AFAP1L1: variants seen among roughly 807,000 people sequenced by gnomAD.
AFAP1L1 encodes the protein actin filament-associated protein 1-like 1.
Under a neutral mutation model 99.8 loss-of-function variants are expected in AFAP1L1, and 77 were observed. The ratio of observed to expected loss-of-function variants is 0.77; its 90% CI spans 0.64 to 0.93. The LOEUF (loss-of-function observed/expected upper bound fraction) is 0.93, where lower values mean the gene tolerates loss of function less well. Ranked by LOEUF, AFAP1L1 falls within the 40% of genes least tolerant of loss-of-function variation. The probability of loss-of-function intolerance (pLI) is 0.00; values close to 1 mark genes in which losing one functional copy is unlikely to be tolerated. For synonymous variants in AFAP1L1, 373 were observed against 395.3 expected (o/e 0.94, Z 0.67); for missense variants, 893 against 996.8 (o/e 0.90, Z 1.40).
intron 1 of AFAP1L1, among the ~76,000 whole-genome samples, chr5:149,296,149 C>T (rs1386977993): frequency 3.9e-5 from 6 of 152,102 alleles, no homozygotes; most frequent in African/African-American, 1.4e-4. Context: ...TCCTCCCACC[C>T]CAGTCTCCTG....
chr5:149,341,955 T>C lies in AFAP1L1; in HGVS notation c.*1925T>C, dbSNP rs148136766. Among the ~76,000 whole-genome samples, 227 of 152,256 alleles carry C rather than the reference T, an allele frequency of 1.5e-3. No homozygotes were observed. The highest frequency in any genetic ancestry group is 2.8e-3 in the Non-Finnish European group (189 of 68,030). ...TCTTTCTTATGCAGTTATTTTGGGG[T>C]TAAGTGTCTTTTCTCACCAACAGAT... On this transcript the variant is annotated 3_prime_UTR_variant, in exon 19 of 19. Coordinates refer to ENST00000296721, the MANE Select transcript of AFAP1L1 (RefSeq NM_152406.4).
At chr5:149,330,813 T>A (rs1449844055) in intron 16 of AFAP1L1, among the ~76,000 whole-genome samples, 7 of 152,194 alleles carry the variant, frequency 4.6e-5, no homozygotes, top group Admixed American at 4.6e-4. Context: ...ATTTATTGTT[T>A]GCCACAGACA....
chr5:149,299,394 C>G, intron 1 of AFAP1L1, 115 bp from the exon 2 acceptor site: 1 of 1,418,744 alleles, frequency 7.0e-7, no homozygotes, highest in Non-Finnish European at 9.4e-7. Flanking sequence ...CGCTTGCACA[C>G]CCGGACCTGC....
intron 7 of AFAP1L1, among the ~76,000 whole-genome samples, chr5:149,307,818 T>TTCTCTCTCTATCTCTC (rs557717575): frequency 9.9e-6 from 1 of 100,504 alleles, no homozygotes. Context: ...GTGCCTCTCT[T>TTCTCTCTCTATCTCTC]TCTCTCTCTC....
chr5:149,343,552 A>G lies in AFAP1L1; in HGVS notation c.*3522A>G, dbSNP rs1757617999. ...ATGTCAGAAATCAGTGGTGAACAAG[A>G]CAGACACCTCATGAAGCTCACATTC... is the stretch of plus-strand genomic sequence containing the variant. On this transcript the variant is annotated 3_prime_UTR_variant, in exon 19 of 19. Coordinates refer to ENST00000296721, the MANE Select transcript of AFAP1L1 (RefSeq NM_152406.4). Among the ~76,000 whole-genome samples the G allele has an allele frequency of 1.3e-5, 2 of 152,196 alleles. No homozygotes were observed. The highest frequency in any genetic ancestry group is 4.1e-4 in the South Asian group (2 of 4,828).
At position 149,322,609 on chromosome 5, in the gene AFAP1L1, G is replaced by A. The variant is rs776961879; in HGVS notation, c.1702G>A (p.Glu568Lys). 3.7e-5 allele frequency: 58 copies of A among 1,570,502 alleles called. No individual in the cohort carries two copies. The Admixed American group carries it at 4.8e-4, about 13-fold the overall frequency. The change falls in exon 15 of 19, where the codon GAG becomes AAG. Residue 568 changes from glutamate to lysine, a missense_variant. Transcript: ENST00000296721. Reference sequence around the variant, plus strand: ...GTCTTCCTCCATCTCCCACCAGGACGAGGAGCCCGAGCGCCCCACAGGGGC... The same window carrying A: ...GTCTTCCTCCATCTCCCACCAGGACAAGGAGCCCGAGCGCCCCACAGGGGC... The part of the protein sequence containing the change: ...DDVPYEKMQD[E>K]EPERPTGAQV...
intron 18 of AFAP1L1, among the ~76,000 whole-genome samples, chr5:149,337,564 C>T (rs1197220760): frequency 2.0e-5 from 3 of 152,118 alleles, no homozygotes; most frequent in Non-Finnish European, 4.4e-5. Context: ...TTTGCAATAA[C>T]CAAGTAAAGT....
chr5:149,295,413 A>G (rs940458705), intron 1 of AFAP1L1, among the ~76,000 whole-genome samples: 3 of 152,236 alleles, frequency 2.0e-5, no homozygotes, highest in African/African-American at 4.8e-5. Context: ...AGAAACGACT[A>G]TAGCAAACCT....
rs778430001 is a variant in AFAP1L1, at chr5:149,301,179, G to C, written c.276G>C (p.Glu92Asp). 6.2e-7 allele frequency: 1 copy of C among 1,613,942 alleles called. No homozygotes were observed. Among genetic ancestry groups the C allele is most frequent in the South Asian group, 1.1e-5 (1 of 91,084 alleles). Residue 92 changes from glutamate (E) to aspartate (D), a missense_variant, in exon 4 of 19, where the codon GAG becomes GAC. Transcript: ENST00000296721. ...GGGACATGCCAGAGGATGATGGGGA[G>C]CCCAGCAAAGGAGCCAGCCCTGAGC... ...DLRDMPEDDG[E>D]PSKGASPELA...
Position 149,342,473 on chromosome 5 carries a change from T to C in AFAP1L1, c.*2443T>C, listed in dbSNP as rs990529126. Among the ~76,000 whole-genome samples, 16 of 152,244 alleles carry C rather than the reference T, an allele frequency of 1.1e-4. No homozygotes were observed. Among genetic ancestry groups the C allele is most frequent in the African/African-American group, 3.9e-4 (16 of 41,462 alleles). ...TCCATATATCTCCCTCCCCTTGTAC[T>C]GCAACATTCAGAAGCACACTAGCAC... On this transcript the variant is annotated 3_prime_UTR_variant, in exon 19 of 19. Transcript: ENST00000296721.
chr5:149,303,601 C>T (rs958953418), intron 5 of AFAP1L1, among the ~76,000 whole-genome samples: 13 of 152,206 alleles, frequency 8.5e-5, no homozygotes, highest in African/African-American at 2.9e-4. Context: ...AAAGACAGAT[C>T]GGTTTTATTA....
chr5:149,278,271 C>T (rs2127588165), intron 1 of AFAP1L1, among the ~76,000 whole-genome samples: 1 of 152,296 alleles, frequency 6.6e-6, no homozygotes, highest in Admixed American at 6.5e-5. Context: ...AAATGGTCAG[C>T]AACTCCTCTT....
chr5:149,290,325 A>C (rs1056133276), intron 1 of AFAP1L1, among the ~76,000 whole-genome samples: 1 of 152,220 alleles, frequency 6.6e-6, no homozygotes, highest in African/African-American at 2.4e-5. Context: ...GAGATAGCTA[A>C]CATTTACTGA....
intron 1 of AFAP1L1, among the ~76,000 whole-genome samples, chr5:149,275,763 C>T (rs1755299336): frequency 1.3e-5 from 2 of 152,214 alleles, no homozygotes; most frequent in Admixed American, 1.3e-4. Flanking sequence ...GCCTCAGCCT[C>T]CCAAAGTGCT....
chr5:149,284,643 AG>A (rs1450919534), intron 1 of AFAP1L1, among the ~76,000 whole-genome samples: 2 of 152,226 alleles, frequency 1.3e-5, no homozygotes, highest in African/African-American at 4.8e-5. Flanking sequence ...GATAAGCCAC[AG>A]GGAGTGCATG....
intron 18 of AFAP1L1, among the ~76,000 whole-genome samples, chr5:149,336,273 C>T (rs768239405): frequency 9.2e-5 from 14 of 152,116 alleles, no homozygotes; most frequent in African/African-American, 3.4e-4. Flanking sequence ...AATAATTCTA[C>T]GGCAAGACAT....
In AFAP1L1 at chr5:149,271,868, C is replaced by G. The variant is rs989439650; in HGVS notation, c.-101C>G. The stretch of plus-strand genomic sequence containing the variant: ...TGGGGGAGGGGACCGCAGAGAGCGC[C>G]GGCCGCTGGGCTGGCCTGAGAGCGC... On this transcript the variant is annotated 5_prime_UTR_variant, in exon 1 of 19. Transcript: ENST00000296721. The G allele has an allele frequency of 3.2e-6, 3 of 939,916 alleles. No homozygotes were observed. Among genetic ancestry groups the G allele is most frequent in the African/African-American group, 3.5e-5 (2 of 57,190 alleles). 58.2% of individuals were successfully genotyped at this position (939,916 alleles called of 1,614,324 possible).
At chr5:149,300,381 T>C in intron 3 of AFAP1L1, 27 bp downstream of exon 3, 1 of 1,592,874 alleles carries the variant, frequency 6.3e-7, no homozygotes, top group Non-Finnish European at 8.6e-7. Flanking sequence ...CAACCTCAGC[T>C]ACGGAGCCAT....
intron 16 of AFAP1L1, among the ~76,000 whole-genome samples, chr5:149,331,656 C>T (rs111580445): frequency 0.05 from 7,578 of 152,056 alleles, 211 homozygotes; most frequent in East Asian, 0.088. Flanking sequence ...GCAGCAAATC[C>T]TACTGAAAAC....
Sources: allele counts gnomAD v4.1 joint callset (sites outside exome capture counted in the v4.1 genomes callset), GRCh38; gene constraint gnomAD v4.1.1; transcripts MANE v1.5; gene names NCBI Gene and HGNC (gene_info 2026-07-23, HGNC 2026-07-21).